CCDC68: variants seen among roughly 807,000 people sequenced by gnomAD.
CCDC68 encodes coiled-coil domain containing 68.
In CCDC68, 45 loss-of-function variants were observed where a neutral mutation model predicts 47.1. The observed-to-expected ratio is 0.96, with a 90% CI of 0.75 to 1.23. The LOEUF is 1.23. Ranked by LOEUF, CCDC68 falls within the 50% of genes most tolerant of loss-of-function variation. The pLI, the probability that CCDC68 is intolerant of heterozygous loss-of-function variation, is 0.00. For synonymous variants in CCDC68, 131 were observed against 129.5 expected (o/e 1.01, Z -0.08); for missense variants, 353 against 373.6 (o/e 0.94, Z 0.45).
At chr18:54,942,576 A>G (rs939093414) in intron 3 of CCDC68, 99 bp downstream of exon 3, 1 of 635,040 alleles carries the variant, frequency 1.6e-6, no homozygotes, top group Non-Finnish European at 2.7e-6. Context: ...TTGTTCCTTT[A>G]CATATGTTCT....
chr18:54,907,240 A>G (rs1222506448), intron 11 of CCDC68, among the ~76,000 whole-genome samples: 1 of 152,232 alleles, frequency 6.6e-6, no homozygotes, highest in East Asian at 1.9e-4. Flanking sequence ...GATGGTTTCA[A>G]CCATCATTTC....
At chr18:54,954,775 T>C (rs182046055) in intron 1 of CCDC68, 25 of 152,248 alleles carry the variant, frequency 1.6e-4, no homozygotes, top group Admixed American at 3.9e-4. Context: ...ATTTTAAAAA[T>C]CCTTACCAAG....
At chr18:54,922,538 A>C (rs917317351) in intron 8 of CCDC68, among the ~76,000 whole-genome samples, 1 of 152,176 alleles carries the variant, frequency 6.6e-6, no homozygotes. Flanking sequence ...AGTTACTAGG[A>C]AAAGATGACT....
intron 10 of CCDC68, among the ~76,000 whole-genome samples, chr18:54,908,087 G>C (rs976470477): frequency 2.6e-5 from 4 of 152,144 alleles, no homozygotes; most frequent in Admixed American, 2.6e-4. Context: ...GACTAAAATA[G>C]AGTATTCTGA....
intron 8 of CCDC68, among the ~76,000 whole-genome samples, chr18:54,920,118 T>G (rs2044030530): frequency 6.6e-6 from 1 of 152,194 alleles, no homozygotes; most frequent in South Asian, 2.1e-4. Flanking sequence ...GTTATTAGAG[T>G]TATGAAGCCA....
intron 1 of CCDC68, among the ~76,000 whole-genome samples, chr18:54,946,845 A>T (rs545285943): frequency 4.8e-5 from 7 of 144,368 alleles, no homozygotes; most frequent in African/African-American, 1.3e-4. Flanking sequence ...TTTTTTTTTT[A>T]AATGCCTGCT....
Position 54,902,619 on chromosome 18 carries a change from A to G in CCDC68, c.*1739T>C, listed in dbSNP as rs1913749401. On this transcript the variant is annotated 3_prime_UTR_variant, in exon 12 of 12. Coordinates refer to ENST00000591504, the MANE Select transcript of CCDC68 (RefSeq NM_025214.3). ...TGGTAGTCCAGCTGGTGAAAGATCA[A>G]CTCATTTCAGCAAAATATTGATTTT... 1 of 152,206 alleles carries G rather than the reference A, an allele frequency of 6.6e-6. No individual in the cohort carries two copies. Among genetic ancestry groups the G allele is most frequent in the Non-Finnish European group, 1.5e-5 (1 of 68,020 alleles). 9.4% of individuals were successfully genotyped at this position (152,206 alleles called of 1,614,324 possible).
chr18:54,953,663 G>C lies in CCDC68; in HGVS notation c.-103+5673C>G, dbSNP rs1439211745. Among the ~76,000 whole-genome samples the C allele has an allele frequency of 2.0e-5, 3 of 152,110 alleles. No individual in the cohort carries two copies. In the East Asian group the frequency reaches 5.8e-4, roughly 29 times the overall value. Reference sequence around the variant, plus strand: ...CTACATGACTAGTCAATTAAACTTAGCATTCAGTATGACAGAAACAAGGAA... The same window carrying C: ...CTACATGACTAGTCAATTAAACTTACCATTCAGTATGACAGAAACAAGGAA... On this transcript the variant is annotated intron_variant, in intron 1 of 11. Transcript: ENST00000591504.
In CCDC68 at chr18:54,903,815, A is replaced by G. The variant is rs1913818812; in HGVS notation, c.*543T>C. ...CTTTCTCCTGCCCATAATTCAGTCA[A>G]GTATAATTCTCCCACAAACAATGGA... On this transcript the variant is annotated 3_prime_UTR_variant, in exon 12 of 12. Coordinates refer to ENST00000591504, the MANE Select transcript of CCDC68 (RefSeq NM_025214.3). The G allele has an allele frequency of 6.6e-6, 1 of 152,298 alleles. No individual in the cohort carries two copies. The highest frequency in any genetic ancestry group is 6.5e-5 in the Admixed American group (1 of 15,282). 9.4% of individuals were successfully genotyped at this position (152,298 alleles called of 1,614,324 possible).
chr18:54,938,086 G>T lies in CCDC68; in HGVS notation c.216C>A (p.Asn72Lys), dbSNP rs777785981. 2 of 1,612,864 alleles carry T rather than the reference G, an allele frequency of 1.2e-6. No individual in the cohort carries two copies. The highest frequency in any genetic ancestry group is 1.1e-5 in the South Asian group (1 of 90,772). The change falls in exon 5 of 12, where the codon AAC (asparagine) becomes AAA (lysine). Residue 72 changes from asparagine (N) to lysine (K), a missense_variant. Coordinates refer to ENST00000591504, the MANE Select transcript of CCDC68 (RefSeq NM_025214.3). ...TTTCAGAATCAGAGCCCTGTTGAAG[G>T]TTTCCACAGTGCTGAAACGGACAAA... ...NHKLDAKHCG[N>K]LQQGSDSEMD...
At chr18:54,951,954 A>G (rs1232480302) in intron 1 of CCDC68, among the ~76,000 whole-genome samples, 1 of 152,228 alleles carries the variant, frequency 6.6e-6, no homozygotes, top group Non-Finnish European at 1.5e-5. Context: ...ACCTTCTCAG[A>G]GCTATGTGAG....
At chr18:54,933,653 C>T (rs1480288981) in intron 7 of CCDC68, among the ~76,000 whole-genome samples, 2 of 152,166 alleles carry the variant, frequency 1.3e-5, no homozygotes, top group African/African-American at 2.4e-5. Flanking sequence ...TTTTCCAACA[C>T]AGCATAATTA....
intron 1 of CCDC68, among the ~76,000 whole-genome samples, chr18:54,946,289 A>C (rs1296723995): frequency 6.6e-6 from 1 of 152,226 alleles, no homozygotes; most frequent in African/African-American, 2.4e-5. Flanking sequence ...AGTACGTGGC[A>C]GGCAACGCCT....
rs58528142 is a variant in CCDC68 at position 54,920,236 on chromosome 18, CTTTTTTTTT to C, written c.684-869_684-861del. Among the ~76,000 whole-genome samples, 495 of 135,240 alleles carry C rather than the reference CTTTTTTTTT, an allele frequency of 3.7e-3. 5 individuals carry two copies. The highest frequency in any genetic ancestry group is 0.013 in the African/African-American group (455 of 36,068). 88.7% of individuals were successfully genotyped at this position (135,240 alleles called of 152,430 possible). A position where few individuals can be genotyped will look rare whatever the true frequency, so the allele number is the denominator to read the frequency against. ...TCCCAATTCTGTTTCTTTCTTTTTT[CTTTTTTTTT>C]TTTTTTTTGTTGTTGTTGGTTTGTT... On this transcript the variant is annotated intron_variant, in intron 8 of 11. Transcript: ENST00000591504.
chr18:54,955,712 G>C (rs546177819), intron 1 of CCDC68, among the ~76,000 whole-genome samples: 1 of 151,794 alleles, frequency 6.6e-6, no homozygotes, highest in African/African-American at 2.4e-5. Context: ...GTTCTTTTTT[G>C]TTTGTTTGTT....
intron 10 of CCDC68, among the ~76,000 whole-genome samples, chr18:54,917,339 C>G (rs2043970382): frequency 6.6e-6 from 1 of 152,002 alleles, no homozygotes; most frequent in African/African-American, 2.4e-5. Flanking sequence ...GCATGGGAAC[C>G]AAAGCAGGAG....
At chr18:54,934,734 A>C (rs1218935093) in intron 7 of CCDC68, 86 bp downstream of exon 7, 3 of 944,374 alleles carry the variant, frequency 3.2e-6, no homozygotes, top group Non-Finnish European at 4.4e-6. Context: ...ATTTAATTTA[A>C]TATCCTATTT....
chr18:54,909,283 C>T (rs1329003984), intron 10 of CCDC68, among the ~76,000 whole-genome samples: 5 of 152,026 alleles, frequency 3.3e-5, no homozygotes, highest in Non-Finnish European at 5.9e-5. Flanking sequence ...CTGGGGGGAA[C>T]GATGACAAGT....
chr18:54,942,089 C>T (rs1188545285), intron 3 of CCDC68, among the ~76,000 whole-genome samples: 1 of 152,196 alleles, frequency 6.6e-6, no homozygotes, highest in African/African-American at 2.4e-5. Context: ...TGAGCCACTG[C>T]ACCTGGCCTA....
Sources: gnomAD v4.1 joint callset for allele counts (sites outside exome capture counted in the v4.1 genomes callset) on GRCh38, gnomAD v4.1.1 for gene constraint, MANE v1.5 for transcripts, NCBI Gene and HGNC (gene_info 2026-07-23, HGNC 2026-07-21) for gene names.